ITPR2: variants seen among roughly 807,000 people sequenced by gnomAD.
ITPR2 encodes inositol 1,4,5-trisphosphate receptor type 2.
Under a neutral mutation model 317.1 loss-of-function variants are expected in ITPR2, and 207 were observed. That is an observed-to-expected ratio of 0.65 (90% CI 0.58 to 0.73). ITPR2 has a LOEUF of 0.73. Among genes scored for constraint, ITPR2 ranks in the 30% least tolerant of loss-of-function variants. ITPR2 has a pLI of 0.00. For missense variants in ITPR2, 2,613 were observed against 3,284.0 expected, an observed-to-expected ratio of 0.80 and a Z score of 4.99; for synonymous variants, 1,156 against 1,149.1, an observed-to-expected ratio of 1.01 and a Z score of -0.12.
intron 35 of ITPR2, among the ~76,000 whole-genome samples, chr12:26,556,653 C>A (rs1358468438): frequency 1.4e-5 from 2 of 147,958 alleles, no homozygotes; most frequent in East Asian, 3.9e-4. Flanking sequence ...GGATATACAC[C>A]TATAGAGGAA....
chr12:26,658,219 A>T, intron 16 of ITPR2, 89 bp from the exon 17 acceptor site: 10 of 873,380 alleles, frequency 1.1e-5, no homozygotes, highest in Non-Finnish European at 1.4e-5. Flanking sequence ...ATATAATAAA[A>T]TAAACTTATT....
chr12:26,782,301 G>A (rs1202479422), intron 2 of ITPR2, among the ~76,000 whole-genome samples: 1 of 151,204 alleles, frequency 6.6e-6, no homozygotes, highest in East Asian at 1.9e-4. Context: ...GAATTAAATT[G>A]ACAAACAGGA....
At chr12:26,645,662 G>A (rs956625539) in intron 21 of ITPR2, among the ~76,000 whole-genome samples, 1 of 152,170 alleles carries the variant, frequency 6.6e-6, no homozygotes, top group Non-Finnish European at 1.5e-5. Flanking sequence ...AGTGATAAAC[G>A]GTAATTGGTT....
At chr12:26,482,248 C>G (rs1238570713) in intron 42 of ITPR2, among the ~76,000 whole-genome samples, 1 of 152,166 alleles carries the variant, frequency 6.6e-6, no homozygotes, top group Non-Finnish European at 1.5e-5. Flanking sequence ...TAAAGAGAAT[C>G]TTTTTGCAGA....
chr12:26,444,611 T>A (rs969081532), intron 45 of ITPR2, among the ~76,000 whole-genome samples: 1 of 152,084 alleles, frequency 6.6e-6, no homozygotes, highest in South Asian at 2.1e-4. Flanking sequence ...GCACAGAGAG[T>A]GTAAGGAACT....
At chr12:26,479,679 T>C (rs1416805003) in intron 43 of ITPR2, among the ~76,000 whole-genome samples, 1 of 152,220 alleles carries the variant, frequency 6.6e-6, no homozygotes, top group Non-Finnish European at 1.5e-5. Context: ...CAAGTACATC[T>C]ATGTAAGAAT....
chr12:26,360,879 AT>A (rs1005396548), intron 55 of ITPR2, among the ~76,000 whole-genome samples: 8 of 150,326 alleles, frequency 5.3e-5, no homozygotes, highest in African/African-American at 7.3e-5. Context: ...AAGTTTACCA[AT>A]TTTTTTTTTC....
intron 34 of ITPR2, among the ~76,000 whole-genome samples, chr12:26,563,634 C>T (rs1015940481): frequency 5.9e-5 from 9 of 152,274 alleles, no homozygotes; most frequent in African/African-American, 1.7e-4. Context: ...TCTCCAACTC[C>T]TGCGCAAAGC....
chr12:26,379,681 G>A (rs1163506257), intron 55 of ITPR2, among the ~76,000 whole-genome samples: 3 of 152,078 alleles, frequency 2.0e-5, no homozygotes, highest in Non-Finnish European at 4.4e-5. Context: ...ACAACTGAAG[G>A]GTTAATGCCT....
intron 26 of ITPR2, among the ~76,000 whole-genome samples, chr12:26,620,753 C>CA (rs35470986): frequency 0.14 from 20,601 of 151,948 alleles, 1,906 homozygotes; most frequent in Admixed American, 0.2. Flanking sequence ...TACTGCTTGG[C>CA]AAAAAAATGG....
In ITPR2 at chr12:26,523,536, T is replaced by TTA. The variant is rs67489032; in HGVS notation, c.5073+26710_5073+26711insTA. 1.5e-3 allele frequency among the ~76,000 whole-genome samples: 224 copies of TTA among 150,876 alleles called. 2 individuals carry two copies. The Middle Eastern group carries it at 0.017, about 12-fold the overall frequency. ...AATGGCAAAATCTTTTTTTTTTTTT[T>TTA]AAAAAGCCTACTGCTAACTGTCTGT... On this transcript the variant is annotated intron_variant, in intron 37 of 56. Coordinates refer to ENST00000381340, the MANE Select transcript of ITPR2 (RefSeq NM_002223.4).
At chr12:26,340,426 T>C in intron 55 of ITPR2, 98 bp from the exon 56 acceptor site, 1 of 1,243,624 alleles carries the variant, frequency 8.0e-7, no homozygotes. Context: ...CAAAGTCTCT[T>C]AGCACTCAAA....
At chr12:26,446,969 C>A (rs1016809708) in intron 45 of ITPR2, among the ~76,000 whole-genome samples, 1 of 151,910 alleles carries the variant, frequency 6.6e-6, no homozygotes, top group African/African-American at 2.4e-5. Context: ...ATTTTCTCCT[C>A]CCTGTTCTGT....
rs141012551 is a variant in ITPR2, at chr12:26,470,765, T to C, written c.6342+4531A>G. On this transcript the variant is annotated intron_variant, in intron 45 of 56. Coordinates refer to ENST00000381340, the MANE Select transcript of ITPR2 (RefSeq NM_002223.4). ...ATTTTACAATATGCATCAGGAACCA[T>C]AAAATAGTTACTACCCTGTGACCCA... Among the ~76,000 whole-genome samples, 7 of 152,272 alleles carry C rather than the reference T, an allele frequency of 4.6e-5. No individual in the cohort carries two copies. In the East Asian group the frequency reaches 1.3e-3, roughly 29 times the overall value.
chr12:26,813,171 T>C (rs566192202), intron 1 of ITPR2, among the ~76,000 whole-genome samples: 12 of 152,230 alleles, frequency 7.9e-5, no homozygotes, highest in Non-Finnish European at 1.8e-4. Context: ...GGGGAATTTT[T>C]AATAAAAAGC....
intron 21 of ITPR2, among the ~76,000 whole-genome samples, chr12:26,632,716 T>C (rs1946782251): frequency 6.6e-6 from 1 of 152,226 alleles, no homozygotes; most frequent in African/African-American, 2.4e-5. Flanking sequence ...GAGGTGATTA[T>C]GGAAACAAGC....
At chr12:26,497,165 T>TC (rs1417783708) in intron 37 of ITPR2, among the ~76,000 whole-genome samples, 1 of 149,704 alleles carries the variant, frequency 6.7e-6, no homozygotes, top group African/African-American at 2.5e-5. Context: ...CTTTTTTTTT[T>TC]TTTTTTGAGA....
intron 37 of ITPR2, among the ~76,000 whole-genome samples, chr12:26,532,477 C>G (rs1943969285): frequency 6.6e-6 from 1 of 152,100 alleles, no homozygotes; most frequent in East Asian, 1.9e-4. Flanking sequence ...ATCTCCCAGG[C>G]TCAAGCAGTC....
intron 45 of ITPR2, among the ~76,000 whole-genome samples, chr12:26,460,575 C>T (rs1382462378): frequency 1.3e-5 from 2 of 152,162 alleles, no homozygotes; most frequent in Non-Finnish European, 2.9e-5. Flanking sequence ...ATCAGCCTAT[C>T]AGACAAATAG....
Sources: allele counts gnomAD v4.1 joint callset (sites outside exome capture counted in the v4.1 genomes callset), GRCh38; gene constraint gnomAD v4.1.1; transcripts MANE v1.5; gene names NCBI Gene and HGNC (gene_info 2026-07-23, HGNC 2026-07-21).